Variants in NBR1 observed in about 807,000 individuals in gnomAD.
NBR1 encodes NBR1 autophagy cargo receptor, also known as next to BRCA1 gene 1 protein.
Under a neutral mutation model 115.5 loss-of-function variants are expected in NBR1, and 59 were observed. The ratio of observed to expected loss-of-function variants is 0.51; its 90% CI spans 0.41 to 0.63. The LOEUF is 0.63. Ranked by LOEUF, NBR1 falls within the 30% of genes least tolerant of loss-of-function variation. The pLI is 0.00. For synonymous variants in NBR1, 373 were observed against 414.7 expected, an observed-to-expected ratio of 0.90 and a Z score of 1.22; for missense variants, 1,043 against 1,150.5, an observed-to-expected ratio of 0.91 and a Z score of 1.35.
rs772471691 is a variant in NBR1, at chr17:43,202,642, C to T, written c.2564-13C>T. On this transcript the variant is annotated splice_polypyrimidine_tract_variant and intron_variant, in intron 18 of 20. Coordinates refer to ENST00000590996, the MANE Select transcript of NBR1 (RefSeq NM_005899.5). The stretch of plus-strand genomic sequence containing the variant: ...TGGATGCTGCATCTAACCAACAGCT[C>T]TTTTGCTTTTAGAGCCCAGAGGCTC... 32 of 1,564,346 alleles carry T rather than the reference C, an allele frequency of 2.0e-5. 1 individual carries two copies. The South Asian group carries it at 3.7e-4, about 18-fold the overall frequency.
intron 18 of NBR1, among the ~76,000 whole-genome samples, chr17:43,202,189 A>AC (rs1413137686): frequency 2.0e-5 from 3 of 150,342 alleles, no homozygotes; most frequent in Non-Finnish European, 3.0e-5. Flanking sequence ...GAAAAAAAAA[A>AC]AAAAAAAACT....
intron 14 of NBR1, chr17:43,195,272 G>A: frequency 2.0e-6 from 1 of 495,500 alleles, no homozygotes; most frequent in Non-Finnish European, 3.6e-6. Context: ...GGAGGCCAAG[G>A]CAGGAGGATC....
intron 2 of NBR1, among the ~76,000 whole-genome samples, chr17:43,176,836 A>G (rs533617777): frequency 2.0e-5 from 3 of 152,056 alleles, no homozygotes; most frequent in Non-Finnish European, 4.4e-5. Flanking sequence ...AAGAAGAGAA[A>G]CCATCTCAAG....
At chr17:43,207,647 G>A (rs147086340) in intron 20 of NBR1, among the ~76,000 whole-genome samples, 6 of 152,276 alleles carry the variant, frequency 3.9e-5, no homozygotes, top group African/African-American at 1.2e-4. Flanking sequence ...AACTTGAGCC[G>A]CTGCACCCAG....
intron 20 of NBR1, among the ~76,000 whole-genome samples, chr17:43,209,365 C>A (rs1380969559): frequency 6.6e-6 from 1 of 152,022 alleles, no homozygotes; most frequent in South Asian, 2.1e-4. Flanking sequence ...TGTGAGCCAC[C>A]GCACCCAGCC....
At chr17:43,184,987 G>A (rs1290706530) in intron 5 of NBR1, among the ~76,000 whole-genome samples, 1 of 151,854 alleles carries the variant, frequency 6.6e-6, no homozygotes, top group Non-Finnish European at 1.5e-5. Flanking sequence ...TACTCGGGAG[G>A]CTGAGGCAGG....
At chr17:43,192,983 A>T (rs1332775037) in intron 10 of NBR1, 111 bp from the exon 11 acceptor site, 2 of 1,063,316 alleles carry the variant, frequency 1.9e-6, no homozygotes, top group Non-Finnish European at 2.7e-6. Flanking sequence ...TTTTAAGGCA[A>T]ATGGGTTAGC....
At chr17:43,186,516 C>A (rs2056806346) in intron 6 of NBR1, 72 bp downstream of exon 6, 2 of 1,245,004 alleles carry the variant, frequency 1.6e-6, no homozygotes, top group Non-Finnish European at 2.1e-6. Flanking sequence ...GAACAGGTTT[C>A]TTTATTTTAT....
chr17:43,178,589 C>G (rs764552222), intron 3 of NBR1, among the ~76,000 whole-genome samples: 1 of 151,674 alleles, frequency 6.6e-6, no homozygotes, highest in South Asian at 2.1e-4. Flanking sequence ...GTTGGCCAAG[C>G]TGGTCTCGAA....
Position 43,191,601 on chromosome 17 carries a change from G to A in NBR1, c.1073+20G>A. On this transcript the variant is annotated intron_variant, in intron 10 of 20. Transcript: ENST00000590996. ...CCTGATGTAAGCCCAGGACTGGGGTGGGAGCCAAAACTTTAGGCCCAGCTC... is the reference window on the plus strand; with the variant it reads ...CCTGATGTAAGCCCAGGACTGGGGTAGGAGCCAAAACTTTAGGCCCAGCTC... The A allele has an allele frequency of 6.4e-7, 1 of 1,559,456 alleles. No homozygotes were observed. The highest frequency in any genetic ancestry group is 8.7e-7 in the Non-Finnish European group (1 of 1,150,312).
chr17:43,200,617 C>T lies in NBR1; in HGVS notation c.2468+9C>T, dbSNP rs754798480. 2.1e-5 allele frequency: 33 copies of T among 1,589,126 alleles called. No individual in the cohort carries two copies. The highest frequency in any genetic ancestry group is 2.5e-5 in the Non-Finnish European group (29 of 1,163,616). On this transcript the variant is annotated intron_variant, in intron 17 of 20. Transcript: ENST00000590996. ...CCACCGTCACTGCCCAGGTACCACT[C>T]ACAGCCCCCTCAGCTGGGGTGTTCT...
At chr17:43,205,448 A>AC (rs2057295219) in intron 20 of NBR1, among the ~76,000 whole-genome samples, 1 of 152,202 alleles carries the variant, frequency 6.6e-6, no homozygotes, top group African/African-American at 2.4e-5. Context: ...TGATGCCTGA[A>AC]CTGAGTCCTA....
chr17:43,179,909 G>A (rs910095680), intron 4 of NBR1, among the ~76,000 whole-genome samples: 4 of 92,922 alleles, frequency 4.3e-5, no homozygotes, highest in African/African-American at 6.8e-5. Context: ...CTCTCAGTGC[G>A]TAAATGTGAG....
intron 20 of NBR1, chr17:43,209,631 C>T (rs1241445226): frequency 2.6e-6 from 4 of 1,535,394 alleles, no homozygotes; most frequent in Middle Eastern, 1.7e-4. Context: ...GTGAAGCATT[C>T]TCCTGGTTCT....
chr17:43,170,769 G>C (rs1359242302), upstream of NBR1: 1 of 152,274 alleles, frequency 6.6e-6, no homozygotes, highest in African/African-American at 2.4e-5. Flanking sequence ...CGGAAATCCA[G>C]TGGATAGATT....
At chr17:43,190,878 C>T (rs950381174) in intron 9 of NBR1, 102 bp downstream of exon 9, 8 of 1,146,454 alleles carry the variant, frequency 7.0e-6, no homozygotes, top group African/African-American at 3.1e-5. Flanking sequence ...TAGTTCTGCT[C>T]ATTTTCAATT....
rs376278095 is a variant in NBR1 at position 43,182,536 on chromosome 17, T to C, written c.207+1719T>C. Among the ~76,000 whole-genome samples, 8 of 151,690 alleles carry C rather than the reference T, an allele frequency of 5.3e-5. No homozygotes were observed. In the South Asian group the frequency reaches 6.2e-4, roughly 12 times the overall value. ...GTGCACAGCCTATGTCACTCTGTTC[T>C]CTATAGCCCATACAATGTTATGTTT... is the stretch of plus-strand genomic sequence containing the variant. On this transcript the variant is annotated intron_variant, in intron 5 of 20. Transcript: ENST00000590996.
chr17:43,175,807 C>T lies in NBR1; in HGVS notation c.8C>T (p.Pro3Leu). The T allele has an allele frequency of 6.3e-7, 1 of 1,580,418 alleles. No individual in the cohort carries two copies. The highest frequency in any genetic ancestry group is 8.7e-7 in the Non-Finnish European group (1 of 1,154,758). ME[P>L]QVTLNVTFKN... ...CAACCCTAGCCTCACAGCATGGAAC[C>T]ACAGGTTACTCTAAATGTGACTTTT... The change falls in exon 2 of 21, where the codon CCA becomes CTA. Residue 3 changes from proline to leucine, a missense_variant. By Grantham distance (98) the Pro-to-Leu change is moderately conservative. Coordinates refer to ENST00000590996, the MANE Select transcript of NBR1 (RefSeq NM_005899.5).
chr17:43,206,142 C>T, intron 20 of NBR1, among the ~76,000 whole-genome samples: 1 of 148,510 alleles, frequency 6.7e-6, no homozygotes, highest in African/African-American at 2.5e-5. Flanking sequence ...CGCCACTGCA[C>T]TTCAGCCTGG....
Sources: gnomAD v4.1 joint callset for allele counts (sites outside exome capture counted in the v4.1 genomes callset) on GRCh38, gnomAD v4.1.1 for gene constraint, MANE v1.5 for transcripts, NCBI Gene and HGNC (gene_info 2026-07-23, HGNC 2026-07-21) for gene names.